RBFOX1: variants seen among roughly 807,000 people sequenced by gnomAD.
The protein encoded by RBFOX1 is RNA binding fox-1 homolog 1, also known as RNA binding protein fox-1 homolog 1.
Under a neutral mutation model 57.7 loss-of-function variants are expected in RBFOX1, and 8 were observed. The ratio of observed to expected loss-of-function variants is 0.14; its 90% CI spans 0.08 to 0.25. The LOEUF (loss-of-function observed/expected upper bound fraction) is 0.25. Ranked by LOEUF, RBFOX1 falls within the 10% of genes least tolerant of loss-of-function variation. The pLI is 1.00. For synonymous variants in RBFOX1, 326 were observed against 222.4 expected (o/e 1.47, Z -4.15); for missense variants, 611 against 548.5 (o/e 1.11, Z -1.14).
chr16:5,815,570 G>C (rs1243611238), intron 3 of RBFOX1, among the ~76,000 whole-genome samples: 1 of 152,156 alleles, frequency 6.6e-6, no homozygotes, highest in African/African-American at 2.4e-5. Context: ...CTCTCCAGAG[G>C]AGCTGAAGAG....
intron 3 of RBFOX1, among the ~76,000 whole-genome samples, chr16:6,815,197 A>G (rs570376269): frequency 3.3e-5 from 5 of 152,308 alleles, no homozygotes; most frequent in Admixed American, 2.0e-4. Context: ...CAAGTGCTTT[A>G]TAATTAGCAT....
chr16:5,600,467 A>G (rs1176635914), downstream of RBFOX1, among the ~76,000 whole-genome samples: 1 of 146,022 alleles, frequency 6.8e-6, no homozygotes, highest in Non-Finnish European at 1.5e-5. Context: ...GCCTGGGCAA[A>G]CAGAGTAAGA....
intron 1 of RBFOX1, among the ~76,000 whole-genome samples, chr16:6,123,884 G>A (rs111754485): frequency 0.013 from 2,016 of 152,238 alleles, 44 homozygotes; most frequent in African/African-American, 0.046. Context: ...GCAACAGAGC[G>A]AGACTCCCTC....
chr16:5,817,558 T>C (rs775466596), intron 3 of RBFOX1, among the ~76,000 whole-genome samples: 3 of 151,692 alleles, frequency 2.0e-5, no homozygotes, highest in Non-Finnish European at 4.4e-5. Context: ...TTTGGGAAGA[T>C]GGCATGACAC....
chr16:5,526,443 C>T (rs976777558), intron 2 of RBFOX1, among the ~76,000 whole-genome samples: 1 of 152,112 alleles, frequency 6.6e-6, no homozygotes, highest in African/African-American at 2.4e-5. Context: ...TGTGTGCCAC[C>T]ATGTCCGGCT....
In RBFOX1 at chr16:5,256,310, C is replaced by T. The variant is rs2062589674; in HGVS notation, c.219+16205C>T. 1.3e-5 allele frequency among the ~76,000 whole-genome samples: 2 copies of T among 152,124 alleles called. 1 individual carries two copies. The highest frequency in any genetic ancestry group is 4.1e-4 in the South Asian group (2 of 4,826). On this transcript the variant is annotated intron_variant, in intron 1 of 2. Coordinates refer to the RBFOX1 transcript ENST00000585867. The stretch of plus-strand genomic sequence containing the variant: ...GGCACCCATGGCAGAGTTGAGTGAT[C>T]CAGTCCTTCTGTCTCCTCTGGCTGG...
chr16:7,044,006 C>A lies in RBFOX1; in HGVS notation c.-15-8051C>A, dbSNP rs182738913. 3.9e-5 allele frequency among the ~76,000 whole-genome samples: 6 copies of A among 152,330 alleles called. No homozygotes were observed. In the Middle Eastern group the frequency reaches 0.014, roughly 345 times the overall value. ...GGCCACCTCCTATGCACTGCAAGCA[C>A]CTCTTACACTTTCACTGTACAAATG... On this transcript the variant is annotated intron_variant, in intron 3 of 15. Coordinates refer to ENST00000550418, the MANE Select transcript of RBFOX1 (RefSeq NM_018723.4).
intron 3 of RBFOX1, among the ~76,000 whole-genome samples, chr16:5,842,311 C>G (rs1441071374): frequency 6.6e-6 from 1 of 152,014 alleles, no homozygotes; most frequent in South Asian, 2.1e-4. Context: ...TTGTTCCCTC[C>G]TAAGCTGATG....
At chr16:5,489,004 C>G (rs1486572800) in intron 2 of RBFOX1, among the ~76,000 whole-genome samples, 2 of 152,216 alleles carry the variant, frequency 1.3e-5, no homozygotes, top group East Asian at 1.9e-4. Flanking sequence ...AATTCCCTTT[C>G]TGTCATTTTC....
At chr16:7,526,966 G>A (rs11644002) in intron 5 of RBFOX1, among the ~76,000 whole-genome samples, 21,879 of 152,162 alleles carry the variant, frequency 0.14, 2,009 homozygotes, top group East Asian at 0.48. Context: ...TTCTAAATAG[G>A]TTGCTGTTGC....
intron 4 of RBFOX1, among the ~76,000 whole-genome samples, chr16:7,494,490 C>T (rs1283449656): frequency 6.6e-6 from 1 of 152,152 alleles, no homozygotes; most frequent in Non-Finnish European, 1.5e-5. Context: ...TCCTAACCCC[C>T]TGCACACTGC....
intron 4 of RBFOX1, among the ~76,000 whole-genome samples, chr16:7,099,307 G>C (rs377101805): frequency 6.6e-6 from 1 of 152,064 alleles, no homozygotes; most frequent in Admixed American, 6.5e-5. Flanking sequence ...AAGGAATTTC[G>C]TAATTCCTGG....
At position 6,740,719 on chromosome 16, in the gene RBFOX1, A is replaced by G. The variant is rs189526593; in HGVS notation, c.-16+86069A>G. ...TTATCAAATGCTGATGAAAAAGGCC[A>G]ACATGTAAATAGATGGAAAAGCACA... On this transcript the variant is annotated intron_variant, in intron 3 of 15. Coordinates refer to ENST00000550418, the MANE Select transcript of RBFOX1 (RefSeq NM_018723.4). Among the ~76,000 whole-genome samples, 90 of 152,324 alleles carry G rather than the reference A, an allele frequency of 5.9e-4. 1 individual carries two copies. The Middle Eastern group carries it at 0.014, about 23-fold the overall frequency.
intron 1 of RBFOX1, among the ~76,000 whole-genome samples, chr16:6,072,408 A>C (rs1445664058): frequency 1.3e-5 from 2 of 152,200 alleles, no homozygotes; most frequent in Non-Finnish European, 2.9e-5. Flanking sequence ...GCTGCAAAAA[A>C]ACATAGGAGT....
At chr16:6,191,036 G>A (rs1366450314) in intron 1 of RBFOX1, among the ~76,000 whole-genome samples, 1 of 151,904 alleles carries the variant, frequency 6.6e-6, no homozygotes, top group African/African-American at 2.4e-5. Context: ...TGACAGCCAA[G>A]GTCTGTGTGG....
chr16:7,017,475 A>G lies in RBFOX1; in HGVS notation c.-15-34582A>G, dbSNP rs548794290. 3.3e-5 allele frequency among the ~76,000 whole-genome samples: 5 copies of G among 152,306 alleles called. No individual in the cohort carries two copies. In the South Asian group the frequency reaches 8.3e-4, roughly 25 times the overall value. On this transcript the variant is annotated intron_variant, in intron 3 of 15. Coordinates refer to ENST00000550418, the MANE Select transcript of RBFOX1 (RefSeq NM_018723.4). ...AACGCACACACTGACGCGCGCACACATGCTTGTAAAATATAGCCAGATACT... is the reference window on the plus strand; with the variant it reads ...AACGCACACACTGACGCGCGCACACGTGCTTGTAAAATATAGCCAGATACT...
chr16:7,614,190 A>T (rs1182070983), intron 10 of RBFOX1: 1 of 152,202 alleles, frequency 6.6e-6, no homozygotes, highest in Non-Finnish European at 1.5e-5. Context: ...CCAAATTCAA[A>T]TGCAGTGCAC....
chr16:5,870,604 G>C (rs2057447211), intron 4 of RBFOX1, among the ~76,000 whole-genome samples: 1 of 151,480 alleles, frequency 6.6e-6, no homozygotes, highest in South Asian at 2.1e-4. Flanking sequence ...TTCCCAGATG[G>C]AACAGTTTTT....
chr16:5,350,388 G>A (rs942252194), intron 1 of RBFOX1, among the ~76,000 whole-genome samples: 2 of 152,168 alleles, frequency 1.3e-5, no homozygotes, highest in African/African-American at 4.8e-5. Flanking sequence ...GTTGATAGAC[G>A]GGGGTGTGTC....
Sources: allele counts gnomAD v4.1 joint callset (sites outside exome capture counted in the v4.1 genomes callset), GRCh38; gene constraint gnomAD v4.1.1; transcripts MANE v1.5; gene names NCBI Gene and HGNC (gene_info 2026-07-23, HGNC 2026-07-21).